TTC36: variants seen among roughly 807,000 people sequenced by gnomAD.
TTC36 encodes tetratricopeptide repeat domain 36, also known as tetratricopeptide repeat protein 36.
Under a neutral mutation model 17.5 loss-of-function variants are expected in TTC36, and 15 were observed. The observed-to-expected ratio is 0.86, with a 90% confidence interval of 0.57 to 1.32. The LOEUF is 1.32. Among genes scored for constraint, TTC36 ranks in the 40% most tolerant of loss-of-function variants. TTC36 has a pLI of 0.00. For missense variants in TTC36, 292 were observed against 260.9 expected (o/e 1.12, Z -0.82); for synonymous variants, 112 against 109.8 (o/e 1.02, Z -0.13).
Position 118,530,488 on chromosome 11 carries a change from G to C in TTC36, c.308-166G>C. 4.1e-6 allele frequency: 3 copies of C among 739,218 alleles called. No individual in the cohort carries two copies. Among genetic ancestry groups the C allele is most frequent in the Non-Finnish European group, 5.9e-6 (3 of 511,364 alleles). 45.8% of individuals were successfully genotyped at this position (739,218 alleles called of 1,614,324 possible). A position where few individuals can be genotyped will look rare whatever the true frequency, so the allele number is the denominator to read the frequency against. The stretch of plus-strand genomic sequence containing the variant: ...TCCACAGTCTTCATCTGTGTAATGG[G>C]AATAACGATCCGTACCTCTAGCAGG... On this transcript the variant is annotated intron_variant, in intron 2 of 2. Transcript: ENST00000302783. The surrounding 1 kb of genome is among the most constrained non-coding windows in gnomAD (Gnocchi z 5.8).
Position 118,528,789 on chromosome 11 carries a change from C to T in TTC36, c.305C>T (p.Ala102Val), listed in dbSNP as rs1555056517. The T allele has an allele frequency of 1.9e-6, 3 of 1,604,640 alleles. No individual in the cohort carries two copies. Among genetic ancestry groups the T allele is most frequent in the Admixed American group, 3.4e-5 (2 of 59,550 alleles). ...GCCCGGCGACTCCAGGGAGACGTGG[C>T]AGGTAAGGGGAGATGCCCTGTATCC... ...AQARRLQGDV[A>V]GALEDLERAV... The change falls in exon 2 of 3, where the codon GCA (alanine) becomes GTA (valine). Residue 102 changes from alanine to valine, a missense_variant and splice_region_variant. Transcript: ENST00000302783.
Position 118,527,499 on chromosome 11 carries a change from G to A in TTC36, c.5G>A (p.Gly2Glu). 3 of 1,612,954 alleles carry A rather than the reference G, an allele frequency of 1.9e-6. No homozygotes were observed. Among genetic ancestry groups the A allele is most frequent in the Non-Finnish European group, 2.5e-6 (3 of 1,179,006 alleles). Reference protein sequence around the residue: MGTPNDQAVLQA... With the variant: METPNDQAVLQA... ...GGGATTTTGGAGTTGAGCACCATGGGGACTCCAAATGATCAGGCAGTGCTG... is the reference window on the plus strand; with the variant it reads ...GGGATTTTGGAGTTGAGCACCATGGAGACTCCAAATGATCAGGCAGTGCTG... Residue 2 changes from glycine (G) to glutamate (E), a missense_variant, in exon 1 of 3, where the codon GGG becomes GAG. Coordinates refer to ENST00000302783, the MANE Select transcript of TTC36 (RefSeq NM_001080441.4).
Position 118,527,488 on chromosome 11 carries a change from G to A in TTC36, c.-7G>A, listed in dbSNP as rs1223283069. 18 of 1,609,110 alleles carry A rather than the reference G, an allele frequency of 1.1e-5. No individual in the cohort carries two copies. The highest frequency in any genetic ancestry group is 2.2e-5 in the East Asian group (1 of 44,852). On this transcript the variant is annotated 5_prime_UTR_variant, in exon 1 of 3. Coordinates refer to ENST00000302783, the MANE Select transcript of TTC36 (RefSeq NM_001080441.4). ...AGTCACCTTTTGGGATTTTGGAGTT[G>A]AGCACCATGGGGACTCCAAATGATC...
chr11:118,527,741 G>A (rs1205676033), intron 1 of TTC36, 129 bp downstream of exon 1: 3 of 762,594 alleles, frequency 3.9e-6, no homozygotes, highest in Non-Finnish European at 7.1e-6. Context: ...AATCAGAGAG[G>A]TTGGCTGCTC....
At chr11:118,528,899 C>T in intron 2 of TTC36, 108 bp downstream of exon 2, 1 of 1,015,602 alleles carries the variant, frequency 9.8e-7, no homozygotes, top group Non-Finnish European at 1.4e-6. Context: ...CCTGTGGAGC[C>T]TGTCTTCTTA....
Position 118,530,889 on chromosome 11 carries a change from G to A in TTC36, c.543G>A (p.Gln181=). Residue 181 remains glutamine (Q), a synonymous_variant, in exon 3 of 3, where the codon CAG becomes CAA. Transcript: ENST00000302783. This position sits in a 1 kb window ranked among gnomAD's most constrained non-coding sequence, Gnocchi z 5.8. The stretch of plus-strand genomic sequence containing the variant: ...GCATGCTGGCCGACATGATGGGGCA[G>A]CTGCGCCGCCCCCGTGACAGCCGCT... The part of the protein sequence containing the change: ...CNRMLADMMG[Q]LRRPRDSR The A allele has an allele frequency of 6.6e-7, 1 of 1,505,432 alleles. No individual in the cohort carries two copies. The highest frequency in any genetic ancestry group is 8.8e-7 in the Non-Finnish European group (1 of 1,134,458). 93.3% of individuals were successfully genotyped at this position (1,505,432 alleles called of 1,614,324 possible).
chr11:118,530,840 A>G lies in TTC36; in HGVS notation c.494A>G (p.Asn165Ser). Residue 165 changes from asparagine to serine, a missense_variant, in exon 3 of 3, where the codon AAC becomes AGC. Physicochemically the swap from Asn to Ser is conservative, Grantham distance 46 (BLOSUM62 1). Transcript: ENST00000302783. The surrounding 1 kb of genome is among the most constrained non-coding windows in gnomAD (Gnocchi z 5.8). ...GCGCGGCGCCAGCTGGTGCTGCTCA[A>G]CCCCTACGCCGCGCTGTGCAACCGC... ...PFARRQLVLL[N>S]PYAALCNRML... 2 of 1,510,182 alleles carry G rather than the reference A, an allele frequency of 1.3e-6. No individual in the cohort carries two copies. The highest frequency in any genetic ancestry group is 1.8e-6 in the Non-Finnish European group (2 of 1,136,942). The allele number at this position is 1,510,182 out of a possible 1,614,324, so 93.5% of individuals were successfully genotyped here. A position where few individuals can be genotyped will look rare whatever the true frequency, so the allele number is the denominator to read the frequency against.
In TTC36 at chr11:118,530,718, G is replaced by C. The variant is rs1951204112; in HGVS notation, c.372G>C (p.Gln124His). 6.7e-7 allele frequency: 1 copy of C among 1,488,030 alleles called. No homozygotes were observed. Among genetic ancestry groups the C allele is most frequent in the Non-Finnish European group, 8.9e-7 (1 of 1,128,044 alleles). The allele number at this position is 1,488,030 out of a possible 1,614,324, so 92.2% of individuals were successfully genotyped here. A position where few individuals can be genotyped will look rare whatever the true frequency, so the allele number is the denominator to read the frequency against. Residue 124 changes from glutamine (Q) to histidine (H), a missense_variant, in exon 3 of 3, where the codon CAG becomes CAC. Transcript: ENST00000302783. The surrounding 1 kb of genome is among the most constrained non-coding windows in gnomAD (Gnocchi z 5.8). ...LSGGRGRAARQSFVQRGLLAR... is the reference protein window; with the variant it reads ...LSGGRGRAARHSFVQRGLLAR... ...GCGGCCGGGGCCGCGCCGCCCGCCA[G>C]AGCTTTGTGCAGCGCGGACTCCTGG...
Position 118,529,878 on chromosome 11 carries a change from T to C in TTC36, c.308-776T>C, listed in dbSNP as rs568393617. ...AGGCTCTTTGGGGGACTAGAGAACA[T>C]GAGTGAATTGAAGCAGAGCCCGAAA... is the stretch of plus-strand genomic sequence containing the variant. On this transcript the variant is annotated intron_variant, in intron 2 of 2. Coordinates refer to ENST00000302783, the MANE Select transcript of TTC36 (RefSeq NM_001080441.4). 2.6e-5 allele frequency among the ~76,000 whole-genome samples: 4 copies of C among 152,266 alleles called. No homozygotes were observed. In the East Asian group the frequency reaches 7.7e-4, roughly 29 times the overall value.
chr11:118,530,605 G>T lies in TTC36; in HGVS notation c.308-49G>T. On this transcript the variant is annotated intron_variant, in intron 2 of 2. Coordinates refer to ENST00000302783, the MANE Select transcript of TTC36 (RefSeq NM_001080441.4). The surrounding 1 kb of genome is among the most constrained non-coding windows in gnomAD (Gnocchi z 5.8). ...GGTGGGCTGGGGCTCGGGCAAGGCC[G>T]CCCTGGCCTCCGCTGACCCCCGCCC... is the stretch of plus-strand genomic sequence containing the variant. The T allele has an allele frequency of 7.3e-7, 1 of 1,373,574 alleles. No homozygotes were observed. The highest frequency in any genetic ancestry group is 9.3e-7 in the Non-Finnish European group (1 of 1,075,808). 85.1% of individuals were successfully genotyped at this position (1,373,574 alleles called of 1,614,324 possible). A position where few individuals can be genotyped will look rare whatever the true frequency, so the allele number is the denominator to read the frequency against.
chr11:118,530,747 G>T lies in TTC36; in HGVS notation c.401G>T (p.Arg134Leu). The T allele has an allele frequency of 6.7e-7, 1 of 1,501,924 alleles. No homozygotes were observed. The highest frequency in any genetic ancestry group is 2.8e-5 in the East Asian group (1 of 35,992). The allele number at this position is 1,501,924 out of a possible 1,614,324, so 93.0% of individuals were successfully genotyped here. The change falls in exon 3 of 3, where the codon CGG becomes CTG. Residue 134 changes from arginine to leucine, a missense_variant. By Grantham distance (102) the Arg-to-Leu change is moderately radical. Coordinates refer to ENST00000302783, the MANE Select transcript of TTC36 (RefSeq NM_001080441.4). The surrounding 1 kb of genome is among the most constrained non-coding windows in gnomAD (Gnocchi z 5.8). ...QSFVQRGLLA[R>L]LQGRDDDARR... ...TTTGTGCAGCGCGGACTCCTGGCGC[G>T]GCTGCAGGGCCGAGACGACGACGCC...
At position 118,527,531 on chromosome 11, in the gene TTC36, A is replaced by G. The variant is rs781790310; in HGVS notation, c.37A>G (p.Ile13Val). 6.2e-7 allele frequency: 1 copy of G among 1,614,200 alleles called. No individual in the cohort carries two copies. Among genetic ancestry groups the G allele is most frequent in the South Asian group, 1.1e-5 (1 of 91,086 alleles). The change falls in exon 1 of 3, where the codon ATC becomes GTC. Residue 13 changes from isoleucine to valine, a missense_variant. Ile to Val is a conservative substitution (Grantham distance 29). Coordinates refer to ENST00000302783, the MANE Select transcript of TTC36 (RefSeq NM_001080441.4). ...AAATGATCAGGCAGTGCTGCAGGCC[A>G]TCTTCAACCCTGACACCCCATTTGG... ...TPNDQAVLQA[I>V]FNPDTPFGDI... is the part of the protein sequence containing the mutation.
rs1951105612 is a variant in TTC36 at position 118,527,518 on chromosome 11, A to G, written c.24A>G (p.Ala8=). 1 of 1,614,134 alleles carries G rather than the reference A, an allele frequency of 6.2e-7. No homozygotes were observed. The highest frequency in any genetic ancestry group is 1.3e-5 in the African/African-American group (1 of 75,050). ...CCATGGGGACTCCAAATGATCAGGC[A>G]GTGCTGCAGGCCATCTTCAACCCTG... is the stretch of plus-strand genomic sequence containing the variant. The part of the protein sequence containing the change: MGTPNDQ[A]VLQAIFNPDT... The change falls in exon 1 of 3, where the codon GCA becomes GCG. Residue 8 remains alanine (A), a synonymous_variant. Transcript: ENST00000302783.
rs1484830013 is a variant in TTC36, at chr11:118,530,595, G to C, written c.308-59G>C. Reference sequence around the variant, plus strand: ...CGCGGCCGCAGGTGGGCTGGGGCTCGGGCAAGGCCGCCCTGGCCTCCGCTG... The same window carrying C: ...CGCGGCCGCAGGTGGGCTGGGGCTCCGGCAAGGCCGCCCTGGCCTCCGCTG... On this transcript the variant is annotated intron_variant, in intron 2 of 2. Transcript: ENST00000302783. The surrounding 1 kb of genome is among the most constrained non-coding windows in gnomAD (Gnocchi z 5.8). The C allele has an allele frequency of 4.4e-6, 6 of 1,363,666 alleles. No homozygotes were observed. In the East Asian group the frequency reaches 9.3e-5, roughly 21 times the overall value. The allele number at this position is 1,363,666 out of a possible 1,614,324, so 84.5% of individuals were successfully genotyped here.
rs563174056 is a variant in TTC36, at chr11:118,528,001, C to A, written c.118+389C>A. On this transcript the variant is annotated intron_variant, in intron 1 of 2. Coordinates refer to ENST00000302783, the MANE Select transcript of TTC36 (RefSeq NM_001080441.4). Reference sequence around the variant, plus strand: ...TTGAGTGGTTCCAATATAGCAAGCACAACCAGTAACCGTTAAACACTGTCA... The same window carrying A: ...TTGAGTGGTTCCAATATAGCAAGCAAAACCAGTAACCGTTAAACACTGTCA... The A allele has an allele frequency of 2.0e-4, 90 of 461,342 alleles. 1 individual carries two copies. The highest frequency in any genetic ancestry group is 1.7e-3 in the African/African-American group (87 of 50,432). The allele number at this position is 461,342 out of a possible 1,614,324, so 28.6% of individuals were successfully genotyped here.
In TTC36 at chr11:118,530,787, G is replaced by A. The variant is rs1951208215; in HGVS notation, c.441G>A (p.Glu147=). 6.6e-7 allele frequency: 1 copy of A among 1,508,300 alleles called. No individual in the cohort carries two copies. The highest frequency in any genetic ancestry group is 8.8e-7 in the Non-Finnish European group (1 of 1,137,336). 93.4% of individuals were successfully genotyped at this position (1,508,300 alleles called of 1,614,324 possible). A position where few individuals can be genotyped will look rare whatever the true frequency, so the allele number is the denominator to read the frequency against. The stretch of plus-strand genomic sequence containing the variant: ...ACGACGACGCCCGCAGGGACTTCGA[G>A]AGGGCGGCACGGCTGGGCAGCCCCT... ...GRDDDARRDF[E]RAARLGSPFA... Residue 147 remains glutamate (E), a synonymous_variant, in exon 3 of 3, where the codon GAG becomes GAA. Coordinates refer to ENST00000302783, the MANE Select transcript of TTC36 (RefSeq NM_001080441.4). This position sits in a 1 kb window ranked among gnomAD's most constrained non-coding sequence, Gnocchi z 5.8.
chr11:118,528,777 A>G lies in TTC36; in HGVS notation c.293A>G (p.Gln98Arg). ...AACCGTGCCCAGGCCCGGCGACTCC[A>G]GGGAGACGTGGCAGGTAAGGGGAGA... is the stretch of plus-strand genomic sequence containing the variant. Reference protein sequence around the residue: ...YNNRAQARRLQGDVAGALEDL... With the variant: ...YNNRAQARRLRGDVAGALEDL... The change falls in exon 2 of 3, where the codon CAG becomes CGG. Residue 98 changes from glutamine to arginine, a missense_variant. Gln to Arg is a conservative substitution (Grantham distance 43). Coordinates refer to ENST00000302783, the MANE Select transcript of TTC36 (RefSeq NM_001080441.4). 1.9e-6 allele frequency: 3 copies of G among 1,608,808 alleles called. No individual in the cohort carries two copies. The highest frequency in any genetic ancestry group is 2.5e-6 in the Non-Finnish European group (3 of 1,177,824).
rs141551549 is a variant in TTC36, at chr11:118,527,575, C to T, written c.81C>T (p.Asp27=). 42 of 1,614,010 alleles carry T rather than the reference C, an allele frequency of 2.6e-5. No individual in the cohort carries two copies. The highest frequency in any genetic ancestry group is 3.3e-5 in the Non-Finnish European group (39 of 1,179,976). Residue 27 remains aspartate, a synonymous_variant, in exon 1 of 3, where the codon GAC becomes GAT. Coordinates refer to ENST00000302783, the MANE Select transcript of TTC36 (RefSeq NM_001080441.4). ...CATTTGGAGACATTGTTGGATTGGACCTCGGAGAGGAAGCAGAAAAGGAAG... is the reference window on the plus strand; with the variant it reads ...CATTTGGAGACATTGTTGGATTGGATCTCGGAGAGGAAGCAGAAAAGGAAG... ...DTPFGDIVGL[D]LGEEAEKEER...
At chr11:118,527,729 G>C in intron 1 of TTC36, 117 bp downstream of exon 1, 1 of 793,012 alleles carries the variant, frequency 1.3e-6, no homozygotes, top group Non-Finnish European at 2.2e-6. Flanking sequence ...GATTGAGATT[G>C]GAATCAGAGA....
Sources: gnomAD v4.1 joint callset for allele counts (sites outside exome capture counted in the v4.1 genomes callset) on GRCh38, gnomAD v4.1.1 for gene constraint, Gnocchi (gnomAD v3.1) non-coding constraint, MANE v1.5 for transcripts, NCBI Gene and HGNC (gene_info 2026-07-23, HGNC 2026-07-21) for gene names.